The following SLC25A36 variants were observed in gnomAD, a reference collection of about 807,000 sequenced individuals.
SLC25A36 encodes the protein solute carrier family 25 member 36.
Under a neutral mutation model 35.3 loss-of-function variants are expected in SLC25A36, and 24 were observed. The ratio of observed to expected loss-of-function variants is 0.68; its 90% CI spans 0.49 to 0.96. The LOEUF (loss-of-function observed/expected upper bound fraction) is 0.96, where lower values mean the gene tolerates loss of function less well. SLC25A36 is among the 40% of genes least tolerant of loss of function. The pLI is 0.00. For missense variants in SLC25A36, 294 were observed against 381.1 expected, an observed-to-expected ratio of 0.77 and a Z score of 1.90; for synonymous variants, 141 against 132.2, an observed-to-expected ratio of 1.07 and a Z score of -0.46.
In SLC25A36 at chr3:140,956,669, C is replaced by G; in HGVS notation, c.184C>G (p.Pro62Ala). 1 of 1,611,442 alleles carries G rather than the reference C, an allele frequency of 6.2e-7. No homozygotes were observed. Among genetic ancestry groups the G allele is most frequent in the African/African-American group, 1.3e-5 (1 of 74,826 alleles). The change falls in exon 2 of 7, where the codon CCC becomes GCC. Residue 62 changes from proline to alanine, a missense_variant. Physicochemically the swap from Pro to Ala is conservative, Grantham distance 27. This residue lies in a region of SLC25A36 where 185 missense variants were observed against 201.5 expected (regional missense o/e 0.92). Transcript: ENST00000324194. ...AGCCAGTGTCAACCGAGTAGTGTCT[C>G]CCGGACCTCTTCATTGCCTAAAGTG... The part of the protein sequence containing the change: ...AGASVNRVVS[P>A]GPLHCLKVIL...
At chr3:140,950,246 C>T (rs978484571) in intron 1 of SLC25A36, among the ~76,000 whole-genome samples, 1 of 151,902 alleles carries the variant, frequency 6.6e-6, no homozygotes, top group East Asian at 1.9e-4. Context: ...TCATTCCTCC[C>T]CGCCCCCACC....
chr3:140,952,588 A>G (rs1934357112), intron 1 of SLC25A36, among the ~76,000 whole-genome samples: 1 of 152,260 alleles, frequency 6.6e-6, no homozygotes, highest in Non-Finnish European at 1.5e-5. Flanking sequence ...ATGGAGACAC[A>G]TAACTACATA....
At chr3:140,976,025 A>G (rs920025290) in intron 6 of SLC25A36, among the ~76,000 whole-genome samples, 4 of 151,850 alleles carry the variant, frequency 2.6e-5, no homozygotes, top group Non-Finnish European at 4.4e-5. Context: ...CTCTTGTTAT[A>G]TTGTGTCTTT....
At chr3:140,975,438 G>A (rs572487194) in intron 6 of SLC25A36, among the ~76,000 whole-genome samples, 20 of 152,164 alleles carry the variant, frequency 1.3e-4, no homozygotes, top group Non-Finnish European at 2.4e-4. Flanking sequence ...TAAATGGCAC[G>A]AATCTTTAAG....
intron 1 of SLC25A36, among the ~76,000 whole-genome samples, chr3:140,944,198 T>G (rs2107775693): frequency 6.6e-6 from 1 of 152,322 alleles, no homozygotes; most frequent in East Asian, 1.9e-4. Context: ...TAGGCAAGGG[T>G]TTTCCGAATA....
intron 2 of SLC25A36, among the ~76,000 whole-genome samples, chr3:140,958,853 T>G (rs72991043): frequency 0.03 from 4,599 of 152,158 alleles, 224 homozygotes; most frequent in African/African-American, 0.11. Context: ...TCTTTATCAT[T>G]GTGTCTTAAT....
intron 1 of SLC25A36, chr3:140,942,843 G>A (rs996557713): frequency 6.6e-6 from 1 of 152,302 alleles, no homozygotes; most frequent in African/African-American, 2.4e-5. Context: ...TTTCCAGGTG[G>A]TGAATGGGGT....
At chr3:140,968,623 A>G in intron 4 of SLC25A36, 1 of 954,742 alleles carries the variant, frequency 1.0e-6, no homozygotes, top group Non-Finnish European at 1.2e-6. Flanking sequence ...TGTTCCTAAC[A>G]ACATTTATAA....
chr3:140,971,279 C>A (rs183044732), intron 5 of SLC25A36, among the ~76,000 whole-genome samples: 2 of 152,198 alleles, frequency 1.3e-5, no homozygotes. Context: ...TAGATTAACC[C>A]AGCCCAAAAG....
In SLC25A36 at chr3:140,960,150, A is replaced by T. The variant is rs551985506; in HGVS notation, c.284+610A>T. ...GCAGTGTATTGAGTCTTCTGGGGAG[A>T]TGCTTATCCTCTCATCTGACCATAG... is the stretch of plus-strand genomic sequence containing the variant. On this transcript the variant is annotated intron_variant, in intron 3 of 6. Transcript: ENST00000324194. Among the ~76,000 whole-genome samples, 33 of 152,274 alleles carry T rather than the reference A, an allele frequency of 2.2e-4. 1 individual carries two copies. The highest frequency in any genetic ancestry group is 7.9e-4 in the African/African-American group (33 of 41,544).
chr3:140,950,216 C>T (rs1934281561), intron 1 of SLC25A36, among the ~76,000 whole-genome samples: 1 of 152,078 alleles, frequency 6.6e-6, no homozygotes, highest in Non-Finnish European at 1.5e-5. Context: ...TTATGTTGAC[C>T]TTTCCTTTCT....
intron 1 of SLC25A36, among the ~76,000 whole-genome samples, chr3:140,945,739 T>TAAA (rs59896675): frequency 7.8e-6 from 1 of 127,744 alleles, no homozygotes; most frequent in Non-Finnish European, 1.7e-5. Flanking sequence ...TACTTGCAAT[T>TAAA]AAAAAAAAAA....
In SLC25A36 at chr3:140,977,398, G is replaced by T. The variant is rs958765275; in HGVS notation, c.*945G>T. The T allele has an allele frequency of 6.6e-6, 1 of 152,046 alleles. No individual in the cohort carries two copies. The highest frequency in any genetic ancestry group is 6.6e-5 in the Admixed American group (1 of 15,248). The allele number at this position is 152,046 out of a possible 1,614,324, so 9.4% of individuals were successfully genotyped here. A position where few individuals can be genotyped will look rare whatever the true frequency, so the allele number is the denominator to read the frequency against. ...ATATATAATAGATTACATTTATTTT[G>T]TAAAGAAAATAGTAATTTAAAGTTT... is the stretch of plus-strand genomic sequence containing the variant. On this transcript the variant is annotated 3_prime_UTR_variant, in exon 7 of 7. Transcript: ENST00000324194.
At chr3:140,966,654 C>A (rs537667538) in intron 4 of SLC25A36, 2 of 320,658 alleles carry the variant, frequency 6.2e-6, no homozygotes, top group South Asian at 5.3e-5. Flanking sequence ...TCCCTTTTGA[C>A]AAGGTTAGCA....
At chr3:140,966,882 G>C (rs1934773272) in intron 4 of SLC25A36, 1 of 455,344 alleles carries the variant, frequency 2.2e-6, no homozygotes, top group Non-Finnish European at 4.4e-6. Flanking sequence ...ACATGTTTCT[G>C]ATGAGGTCAC....
chr3:140,944,886 G>A (rs1934121609), intron 1 of SLC25A36, among the ~76,000 whole-genome samples: 1 of 152,122 alleles, frequency 6.6e-6, no homozygotes, highest in Non-Finnish European at 1.5e-5. Flanking sequence ...CTGTTTGCTT[G>A]AAGATCAGGG....
chr3:140,980,804 G>A lies in SLC25A36; in HGVS notation c.*4351G>A, dbSNP rs59930552. On this transcript the variant is annotated 3_prime_UTR_variant, in exon 7 of 7. Transcript: ENST00000324194. ...CAACCTCTGCCTCCCGGGTTCAAGC[G>A]ATTCTGCCTCAGCCTGACTTCCCTT... Among the ~76,000 whole-genome samples the A allele has an allele frequency of 0.017, 2,486 of 149,174 alleles. 76 individuals carry two copies. The highest frequency in any genetic ancestry group is 0.058 in the African/African-American group (2,348 of 40,554).
intron 4 of SLC25A36, chr3:140,968,773 T>TAA (rs368666433): frequency 9.7e-4 from 694 of 715,384 alleles, no homozygotes; most frequent in Non-Finnish European, 1.1e-3. Flanking sequence ...AACTTTTATT[T>TAA]AAAAAAAAAA....
At chr3:140,953,135 GATGACTC>G (rs1042231914) in intron 1 of SLC25A36, among the ~76,000 whole-genome samples, 5 of 152,102 alleles carry the variant, frequency 3.3e-5, no homozygotes, top group Non-Finnish European at 7.4e-5. Flanking sequence ...ACTGTGTGAT[GATGACTC>G]ATGTCTTTTA....
Sources: gnomAD v4.1 joint callset for allele counts (sites outside exome capture counted in the v4.1 genomes callset) on GRCh38, gnomAD v4.1.1 for gene constraint, gnomAD v4.1.1 regional missense constraint, MANE v1.5 for transcripts, NCBI Gene and HGNC (gene_info 2026-07-23, HGNC 2026-07-21) for gene names.